LUC7L: variants seen among roughly 807,000 people sequenced by gnomAD.
LUC7L encodes LUC7 like, also known as putative RNA-binding protein Luc7-like 1.
LUC7L carries 29 observed loss-of-function variants against 51.1 expected under a neutral mutation model. The observed-to-expected ratio is 0.57, with a 90% CI of 0.42 to 0.77. LUC7L has a LOEUF of 0.77. Among genes scored for constraint, LUC7L ranks in the 30% least tolerant of loss-of-function variants. The pLI, the probability that LUC7L is intolerant of heterozygous loss-of-function variation, is 0.00. For synonymous variants in LUC7L, 181 were observed against 180.7 expected, an observed-to-expected ratio of 1.00 and a Z score of -0.01; for missense variants, 403 against 511.9, an observed-to-expected ratio of 0.79 and a Z score of 2.05.
At chr16:198,528 G>C (rs2049226846) in intron 6 of LUC7L, among the ~76,000 whole-genome samples, 1 of 152,028 alleles carries the variant, frequency 6.6e-6, no homozygotes, top group African/African-American at 2.4e-5. Context: ...ATGTATTCTG[G>C]GAACAGGCTC....
At position 229,335 on chromosome 16, in the gene LUC7L, G is replaced by A; in HGVS notation, c.5C>T (p.Ser2Phe). MSAQAQMRALLD... is the reference protein window; with the variant it reads MFAQAQMRALLD... ...CAGGGCCCGCATCTGCGCCTGGGCGGACATGGTAGCCGGCGGAGGCGACGG... is the reference window on the plus strand; with the variant it reads ...CAGGGCCCGCATCTGCGCCTGGGCGAACATGGTAGCCGGCGGAGGCGACGG... Residue 2 changes from serine to phenylalanine, a missense_variant, in exon 1 of 10, where the codon TCC (serine) becomes TTC (phenylalanine). Transcript: ENST00000293872. The A allele has an allele frequency of 6.6e-7, 1 of 1,510,560 alleles. No individual in the cohort carries two copies. The highest frequency in any genetic ancestry group is 1.2e-5 in the South Asian group (1 of 81,464). The allele number at this position is 1,510,560 out of a possible 1,614,324, so 93.6% of individuals were successfully genotyped here. A position where few individuals can be genotyped will look rare whatever the true frequency, so the allele number is the denominator to read the frequency against.
chr16:190,693 A>G (rs969652613), intron 7 of LUC7L, 123 bp from the exon 8 acceptor site: 6 of 817,930 alleles, frequency 7.3e-6, no homozygotes, highest in Non-Finnish European at 1.2e-5. Context: ...CAGCCTGGAC[A>G]ACGTGGTGAA....
At chr16:193,078 T>C in intron 6 of LUC7L, 63 bp from the exon 7 acceptor site, 2 of 1,275,682 alleles carry the variant, frequency 1.6e-6, no homozygotes, top group Non-Finnish European at 1.1e-6. Context: ...TGAATGCTAC[T>C]TAACAAATCA....
At chr16:212,139 C>G (rs773689959) in intron 3 of LUC7L, among the ~76,000 whole-genome samples, 1 of 152,086 alleles carries the variant, frequency 6.6e-6, no homozygotes, top group Admixed American at 6.6e-5. Context: ...ACTAAAAATA[C>G]AAAATTACCC....
intron 1 of LUC7L, chr16:228,488 C>A: frequency 8.1e-7 from 1 of 1,240,428 alleles, no homozygotes; most frequent in Non-Finnish European, 1.0e-6. Context: ...ACTCAATATA[C>A]AAAGAAAGCT....
At chr16:214,075 G>T (rs1555455502) in intron 3 of LUC7L, among the ~76,000 whole-genome samples, 4 of 146,580 alleles carry the variant, frequency 2.7e-5, no homozygotes, top group Non-Finnish European at 3.0e-5. Context: ...ATGAGCAATT[G>T]TTTTTTTTTT....
intron 1 of LUC7L, 150 bp downstream of exon 1, chr16:229,129 G>A (rs1449436450): frequency 5.7e-6 from 8 of 1,405,024 alleles, no homozygotes; most frequent in East Asian, 2.9e-5. Flanking sequence ...TTAGACAAAG[G>A]CCCGGCGCCT....
At chr16:202,530 G>A (rs1030668417) in intron 5 of LUC7L, among the ~76,000 whole-genome samples, 4 of 152,056 alleles carry the variant, frequency 2.6e-5, no homozygotes, top group Admixed American at 1.3e-4. Flanking sequence ...CCACTGTGTT[G>A]CAACTGCCTA....
chr16:211,381 C>T (rs377557474), intron 3 of LUC7L, among the ~76,000 whole-genome samples: 2 of 151,410 alleles, frequency 1.3e-5, no homozygotes, highest in South Asian at 2.1e-4. Flanking sequence ...TCGCTTGAAC[C>T]TGGGAGGCGG....
rs772582443 is a variant in LUC7L, at chr16:199,095, G to C, written c.654C>G (p.Phe218Leu). ...GATCAAGCTTCTCTCGGATCTGAAT[G>C]AACCCCAAGTGTAACTTGCCACCGA... ...DHFGGKLHLG[F>L]IQIREKLDQL... The change falls in exon 6 of 10, where the codon TTC becomes TTG. Residue 218 changes from phenylalanine to leucine, a missense_variant. Transcript: ENST00000293872. 1 of 1,613,038 alleles carries C rather than the reference G, an allele frequency of 6.2e-7. No individual in the cohort carries two copies. Among genetic ancestry groups the C allele is most frequent in the Non-Finnish European group, 8.5e-7 (1 of 1,179,124 alleles).
chr16:227,916 A>G, intron 1 of LUC7L: 4 of 1,004,694 alleles, frequency 4.0e-6, no homozygotes, highest in Non-Finnish European at 4.8e-6. Context: ...TTTTAACAAG[A>G]CAATACCAAA....
chr16:208,353 AT>A (rs2049545423), intron 3 of LUC7L, 165 bp from the exon 4 acceptor site: 1 of 563,032 alleles, frequency 1.8e-6, no homozygotes, highest in African/African-American at 2.0e-5. Flanking sequence ...TCATAATTGC[AT>A]TAAATCAAGG....
At position 206,407 on chromosome 16, in the gene LUC7L, G is replaced by A. The variant is rs553638719; in HGVS notation, c.367-260C>T. Among the ~76,000 whole-genome samples the A allele has an allele frequency of 2.6e-5, 4 of 152,318 alleles. No homozygotes were observed. The East Asian group carries it at 7.7e-4, about 29-fold the overall frequency. On this transcript the variant is annotated intron_variant, in intron 4 of 9. Transcript: ENST00000293872. ...TCACAGATTGGTCATTGTCTAGGCT[G>A]TCTCTCTTTATGACTTTTTCTTCTG...
At chr16:218,192 T>C (rs1351774133) in intron 3 of LUC7L, among the ~76,000 whole-genome samples, 1 of 149,434 alleles carries the variant, frequency 6.7e-6, no homozygotes, top group Non-Finnish European at 1.5e-5. Flanking sequence ...ACACTCCGTC[T>C]CAAAAAAAAA....
In LUC7L at chr16:190,119, G is replaced by A. The variant is rs140054017; in HGVS notation, c.823C>T (p.Arg275Trp). The change falls in exon 9 of 10, where the codon CGG (arginine) becomes TGG (tryptophan). Residue 275 changes from arginine (R) to tryptophan (W), a missense_variant. By Grantham distance (101) the Arg-to-Trp change is moderately radical. Transcript: ENST00000293872. ...GTAGATCTTGACCGCCTCCGACGCCGATCCCGGGAGCGTGACCTGAACAAT... is the reference window on the plus strand; with the variant it reads ...GTAGATCTTGACCGCCTCCGACGCCAATCCCGGGAGCGTGACCTGAACAAT... ...RDRRRSRSRD[R>W]RRRRSRSTSR... 15 of 1,611,074 alleles carry A rather than the reference G, an allele frequency of 9.3e-6. No individual in the cohort carries two copies. Among genetic ancestry groups the A allele is most frequent in the South Asian group, 7.7e-5 (7 of 91,024 alleles).
In LUC7L at chr16:216,250, C is replaced by T. The variant is rs145306169; in HGVS notation, c.255+4399G>A. On this transcript the variant is annotated intron_variant, in intron 3 of 9. Coordinates refer to ENST00000293872, the MANE Select transcript of LUC7L (RefSeq NM_201412.3). The stretch of plus-strand genomic sequence containing the variant: ...CTCCCGACCTCAGGTGATCTGCCCG[C>T]CTCAGCCTCCCAAAGTGCTTGGGTA... 6.1e-3 allele frequency among the ~76,000 whole-genome samples: 933 copies of T among 152,244 alleles called. 17 individuals carry two copies. The highest frequency in any genetic ancestry group is 0.021 in the African/African-American group (863 of 41,552).
chr16:222,499 G>A (rs2050000942), intron 2 of LUC7L, among the ~76,000 whole-genome samples: 1 of 152,054 alleles, frequency 6.6e-6, no homozygotes, highest in South Asian at 2.1e-4. Context: ...TTAGCTGGGT[G>A]TGGTGGTATG....
At chr16:201,242 TA>T (rs764945208) in intron 5 of LUC7L, among the ~76,000 whole-genome samples, 9,328 of 78,538 alleles carry the variant, frequency 0.12, 458 homozygotes, top group African/African-American at 0.2. Flanking sequence ...GCTACATAAC[TA>T]AAAAAAAAAA....
intron 5 of LUC7L, among the ~76,000 whole-genome samples, chr16:204,657 C>T (rs1265556071): frequency 2.0e-5 from 3 of 151,998 alleles, no homozygotes; most frequent in African/African-American, 7.2e-5. Flanking sequence ...TAGTACTGTG[C>T]TGTACTGATC....
Sources: gnomAD v4.1 joint callset for allele counts (sites outside exome capture counted in the v4.1 genomes callset) on GRCh38, gnomAD v4.1.1 for gene constraint, MANE v1.5 for transcripts, NCBI Gene and HGNC (gene_info 2026-07-23, HGNC 2026-07-21) for gene names.